DENND1A: variants seen among roughly 807,000 people sequenced by gnomAD.
DENND1A encodes DENN domain-containing protein 1A.
Under a neutral mutation model 113.7 loss-of-function variants are expected in DENND1A, and 51 were observed. That is an observed-to-expected ratio of 0.45 (90% CI 0.36 to 0.57). The LOEUF is 0.57. Ranked by LOEUF, DENND1A falls within the 20% of genes least tolerant of loss-of-function variation. DENND1A has a pLI of 0.00. For missense variants in DENND1A, 1,258 were observed against 1,395.9 expected, an observed-to-expected ratio of 0.90 and a Z score of 1.57; for synonymous variants, 565 against 570.8, an observed-to-expected ratio of 0.99 and a Z score of 0.14.
At chr9:123,611,631 C>A (rs891770837) in intron 10 of DENND1A, among the ~76,000 whole-genome samples, 1 of 152,168 alleles carries the variant, frequency 6.6e-6, no homozygotes, top group Non-Finnish European at 1.5e-5. Context: ...ATCACCCTTC[C>A]CATCTCCTAC....
intron 13 of DENND1A, among the ~76,000 whole-genome samples, chr9:123,484,318 C>A (rs1435908811): frequency 6.6e-6 from 1 of 152,164 alleles, no homozygotes; most frequent in African/African-American, 2.4e-5. Flanking sequence ...TCGATTGGGG[C>A]AAAGGGCTGT....
intron 12 of DENND1A, among the ~76,000 whole-genome samples, chr9:123,575,447 C>T (rs980180915): frequency 3.0e-4 from 45 of 152,132 alleles, no homozygotes; most frequent in Non-Finnish European, 1.3e-4. Flanking sequence ...GCAGAATGTT[C>T]CCAAATTTGA....
At chr9:123,773,759 A>G (rs1333367786) in intron 3 of DENND1A, among the ~76,000 whole-genome samples, 2 of 152,206 alleles carry the variant, frequency 1.3e-5, no homozygotes, top group African/African-American at 4.8e-5. Flanking sequence ...CACCCCATAA[A>G]TAAATGCCAT....
chr9:123,687,825 T>G (rs1217295109), intron 5 of DENND1A, among the ~76,000 whole-genome samples: 1 of 152,230 alleles, frequency 6.6e-6, no homozygotes, highest in Non-Finnish European at 1.5e-5. Flanking sequence ...TCTCCTATTC[T>G]GTGGAAAAGC....
At chr9:123,631,817 A>G (rs2061487539) in intron 9 of DENND1A, among the ~76,000 whole-genome samples, 1 of 152,228 alleles carries the variant, frequency 6.6e-6, no homozygotes. Context: ...TTAAAAATTT[A>G]GGAAACAAAG....
At chr9:123,519,368 C>T (rs776971507) in intron 13 of DENND1A, among the ~76,000 whole-genome samples, 2 of 152,182 alleles carry the variant, frequency 1.3e-5, no homozygotes, top group Non-Finnish European at 2.9e-5. Context: ...TTGTTCATGC[C>T]TCCCTCCTCC....
intron 9 of DENND1A, among the ~76,000 whole-genome samples, chr9:123,632,902 A>G (rs1388708146): frequency 6.6e-6 from 1 of 151,314 alleles, no homozygotes; most frequent in African/African-American, 2.4e-5. Context: ...CTATTATAAT[A>G]ATAATAATAT....
rs765640826 is a variant in DENND1A, at chr9:123,381,700, A to C, written c.2945T>G (p.Ile982Ser). Reference sequence around the variant, plus strand: ...TGAGCGGGCCAGGGGCAACGTTCGGATCCTCGACGGGGCAACTGCTGGGGG... The same window carrying C: ...TGAGCGGGCCAGGGGCAACGTTCGGCTCCTCGACGGGGCAACTGCTGGGGG... The part of the protein sequence containing the change: ...LGPPAVAPSR[I>S]RTLPLARSSA... The change falls in exon 24 of 24, where the codon ATC becomes AGC. Residue 982 changes from isoleucine to serine, a missense_variant. Ile to Ser is a moderately radical substitution (Grantham distance 142, BLOSUM62 -2). Around this residue, in one of 2 missense-constraint regions of DENND1A, gnomAD observed 1,159 missense variants for 1,231.7 expected, o/e 0.94. Coordinates refer to ENST00000394215, the MANE Select transcript of DENND1A (RefSeq NM_001352964.2). This position sits in a 1 kb window ranked among gnomAD's most constrained non-coding sequence, Gnocchi z 4.7. The C allele has an allele frequency of 1.2e-5, 19 of 1,556,430 alleles. No homozygotes were observed. The highest frequency in any genetic ancestry group is 2.6e-6 in the Non-Finnish European group (3 of 1,150,646).
intron 5 of DENND1A, among the ~76,000 whole-genome samples, chr9:123,696,161 T>A (rs550827831): frequency 6.6e-6 from 1 of 152,314 alleles, no homozygotes; most frequent in East Asian, 1.9e-4. Context: ...TGCCAAGCCA[T>A]TCAATTACAC....
At chr9:123,440,302 C>T (rs1378397925) in intron 19 of DENND1A, 58 bp downstream of exon 19, 3 of 1,541,308 alleles carry the variant, frequency 1.9e-6, no homozygotes, top group Non-Finnish European at 2.6e-6. Flanking sequence ...GCTACTGCTG[C>T]TAAAAACAAA....
At chr9:123,616,940 C>A (rs186880843) in intron 10 of DENND1A, among the ~76,000 whole-genome samples, 9 of 152,250 alleles carry the variant, frequency 5.9e-5, no homozygotes, top group African/African-American at 1.7e-4. Flanking sequence ...CAAACCGCTA[C>A]AAGGAGACGC....
At chr9:123,570,622 A>G (rs996122366) in intron 12 of DENND1A, among the ~76,000 whole-genome samples, 1 of 152,228 alleles carries the variant, frequency 6.6e-6, no homozygotes, top group African/African-American at 2.4e-5. Context: ...AATCACCTCC[A>G]TACTCATTAT....
intron 20 of DENND1A, among the ~76,000 whole-genome samples, chr9:123,407,467 C>A (rs1331735126): frequency 6.6e-6 from 1 of 152,244 alleles, no homozygotes; most frequent in Non-Finnish European, 1.5e-5. Context: ...CCCCCTCACA[C>A]ACACACGGTG....
At chr9:123,815,993 CTTTTTTTTTTTT>C (rs1170659580) in intron 2 of DENND1A, among the ~76,000 whole-genome samples, 4 of 79,778 alleles carry the variant, frequency 5.0e-5, no homozygotes, top group African/African-American at 2.1e-4. Context: ...AGTGACTGTA[CTTTTTTTTTTTT>C]TTTTTTTTTT....
rs367593738 is a variant in DENND1A, at chr9:123,583,268, T to A, written c.768A>T (p.Lys256Asn). Residue 256 changes from lysine (K) to asparagine (N), a missense_variant and splice_region_variant, in exon 12 of 24, where the codon AAA becomes AAT. Around this residue, in one of 2 missense-constraint regions of DENND1A, gnomAD observed 1,159 missense variants for 1,231.7 expected, o/e 0.94. Transcript: ENST00000394215. ...CATCATCCAGGGCCATGTTTCTGACTTTCTGCAAGGAGAAAAAAATCCACA... is the reference window on the plus strand; with the variant it reads ...CATCATCCAGGGCCATGTTTCTGACATTCTGCAAGGAGAAAAAAATCCACA... The part of the protein sequence containing the change: ...LIGIHLSLME[K>N]VRNMALDDVV... 7.9e-5 allele frequency: 128 copies of A among 1,610,364 alleles called. No individual in the cohort carries two copies. Among genetic ancestry groups the A allele is most frequent in the Non-Finnish European group, 1.1e-4 (125 of 1,178,152 alleles).
At chr9:123,698,089 A>G (rs923621644) in intron 5 of DENND1A, among the ~76,000 whole-genome samples, 2 of 152,218 alleles carry the variant, frequency 1.3e-5, no homozygotes, top group Non-Finnish European at 2.9e-5. Flanking sequence ...AGCAGAAATA[A>G]GTTGCTCATT....
chr9:123,699,051 T>C (rs367565530), intron 5 of DENND1A, among the ~76,000 whole-genome samples: 2 of 152,176 alleles, frequency 1.3e-5, no homozygotes, highest in South Asian at 4.1e-4. Context: ...GAGACAGGCA[T>C]GTGACTTAAC....
chr9:123,503,760 T>C (rs1165146879), intron 13 of DENND1A, among the ~76,000 whole-genome samples: 1 of 152,198 alleles, frequency 6.6e-6, no homozygotes, highest in Non-Finnish European at 1.5e-5. Flanking sequence ...ATTCTGTGTT[T>C]CTAATGACTA....
intron 1 of DENND1A, among the ~76,000 whole-genome samples, chr9:123,899,968 G>A (rs1450474433): frequency 6.6e-6 from 1 of 152,172 alleles, no homozygotes; most frequent in Non-Finnish European, 1.5e-5. Flanking sequence ...AACTGACTTT[G>A]TATTCTAGTC....
Sources: allele counts gnomAD v4.1 joint callset (sites outside exome capture counted in the v4.1 genomes callset), GRCh38; gene constraint gnomAD v4.1.1; regional missense constraint gnomAD v4.1.1; non-coding constraint Gnocchi (gnomAD v3.1); transcripts MANE v1.5; gene names NCBI Gene and HGNC (gene_info 2026-07-23, HGNC 2026-07-21).